Variants in COL19A1 observed in about 807,000 individuals in gnomAD.
COL19A1 encodes collagen alpha-1(XIX) chain.
Under a neutral mutation model 190.2 loss-of-function variants are expected in COL19A1, and 159 were observed. The observed-to-expected ratio is 0.84, with a 90% CI of 0.73 to 0.95. The LOEUF is 0.95. COL19A1 is among the 40% of genes least tolerant of loss of function. The pLI is 0.00. For synonymous variants in COL19A1, 509 were observed against 458.9 expected (o/e 1.11, Z -1.39); for missense variants, 1,418 against 1,431.9 (o/e 0.99, Z 0.16).
intron 14 of COL19A1, among the ~76,000 whole-genome samples, chr6:70,042,132 G>GGC (rs567839725): frequency 8.3e-4 from 126 of 152,260 alleles, no homozygotes; most frequent in Middle Eastern, 3.4e-3. Context: ...GTGCCTAGCA[G>GGC]AGATGGGGTG....
intron 11 of COL19A1, among the ~76,000 whole-genome samples, chr6:69,963,127 A>C (rs1463067948): frequency 6.6e-6 from 1 of 152,220 alleles, no homozygotes; most frequent in Non-Finnish European, 1.5e-5. Context: ...AAATGATTTA[A>C]ACATTTATAA....
At chr6:70,172,725 C>T (rs570476266) in intron 41 of COL19A1, among the ~76,000 whole-genome samples, 309 of 152,310 alleles carry the variant, frequency 2.0e-3, no homozygotes, top group African/African-American at 6.7e-3. Context: ...TCTTTTACCA[C>T]AGGAAGTTTG....
intron 1 of COL19A1, among the ~76,000 whole-genome samples, chr6:69,866,994 C>T (rs1304884842): frequency 1.3e-5 from 2 of 151,732 alleles, no homozygotes; most frequent in African/African-American, 4.8e-5. Flanking sequence ...CTATGGAGCA[C>T]TGCTGATGCG....
intron 1 of COL19A1, among the ~76,000 whole-genome samples, chr6:69,874,264 A>G (rs966182427): frequency 6.6e-6 from 1 of 152,252 alleles, no homozygotes; most frequent in Non-Finnish European, 1.5e-5. Flanking sequence ...TGCCCTTGTC[A>G]GTTTTGTTGA....
intron 4 of COL19A1, among the ~76,000 whole-genome samples, chr6:69,918,202 A>G (rs1319342172): frequency 6.6e-6 from 1 of 152,198 alleles, no homozygotes; most frequent in African/African-American, 2.4e-5. Context: ...TTAGAAGGTT[A>G]TAAGTAAGGG....
intron 11 of COL19A1, among the ~76,000 whole-genome samples, chr6:69,975,767 G>C (rs1775679789): frequency 6.6e-6 from 1 of 152,102 alleles, no homozygotes. Flanking sequence ...TATTGAATAA[G>C]ACATGACCAG....
At chr6:69,878,743 A>G (rs1768303645) in intron 1 of COL19A1, among the ~76,000 whole-genome samples, 1 of 152,208 alleles carries the variant, frequency 6.6e-6, no homozygotes, top group Admixed American at 6.5e-5. Flanking sequence ...TCAAACAGAT[A>G]TTTGTATATC....
At chr6:69,899,607 A>T (rs1372990163) in intron 3 of COL19A1, among the ~76,000 whole-genome samples, 2 of 152,174 alleles carry the variant, frequency 1.3e-5, no homozygotes, top group African/African-American at 2.4e-5. Context: ...AGAAGAAAAA[A>T]AAATTTGTGA....
rs756133589 is a variant in COL19A1, at chr6:70,180,352, A to G, written c.2708A>G (p.Glu903Gly). ...GAPGPPGVPG[E>G]PGERGPVGDI... The stretch of plus-strand genomic sequence containing the variant: ...CCAGGGCCTCCAGGAGTTCCAGGGG[A>G]ACCGGTGAGTTGGCAGTTACTTTCA... Residue 903 changes from glutamate (E) to glycine (G), a missense_variant, in exon 43 of 51, where the codon GAA becomes GGA. Glu to Gly is a moderately conservative substitution (Grantham distance 98). Coordinates refer to ENST00000620364, the MANE Select transcript of COL19A1 (RefSeq NM_001858.6). 1 of 1,613,896 alleles carries G rather than the reference A, an allele frequency of 6.2e-7. No individual in the cohort carries two copies. The highest frequency in any genetic ancestry group is 8.5e-7 in the Non-Finnish European group (1 of 1,179,832).
chr6:70,207,050 C>T (rs999611965), intron 50 of COL19A1, 72 bp downstream of exon 50: 1 of 1,603,014 alleles, frequency 6.2e-7, no homozygotes, highest in South Asian at 1.1e-5. Flanking sequence ...CCCTAGGGTC[C>T]TTATATGTCA....
chr6:70,140,322 G>T (rs1040038678), intron 19 of COL19A1, among the ~76,000 whole-genome samples: 2 of 151,814 alleles, frequency 1.3e-5, no homozygotes, highest in African/African-American at 4.8e-5. Flanking sequence ...GTAAATAGTT[G>T]TTATACTGTA....
rs181215689 is a variant in COL19A1 at position 69,913,082 on chromosome 6, C to T, written c.266+12744C>T. The stretch of plus-strand genomic sequence containing the variant: ...CCAGCCTGAGTGACAGAGTGAGACC[C>T]TGTCTCAAAAAATTAAAAAATAAAA... On this transcript the variant is annotated intron_variant, in intron 4 of 50. Coordinates refer to ENST00000620364, the MANE Select transcript of COL19A1 (RefSeq NM_001858.6). 6.4e-3 allele frequency among the ~76,000 whole-genome samples: 974 copies of T among 152,146 alleles called. 2 individuals are homozygous for T. Among genetic ancestry groups the T allele is most frequent in the Non-Finnish European group, 0.011 (728 of 67,998 alleles).
At chr6:69,988,181 C>G (rs1391157680) in intron 11 of COL19A1, among the ~76,000 whole-genome samples, 2 of 152,126 alleles carry the variant, frequency 1.3e-5, no homozygotes, top group African/African-American at 2.4e-5. Context: ...CTTATATGTT[C>G]ATTCTCTAAC....
chr6:69,899,308 G>A (rs1352429616), intron 3 of COL19A1, among the ~76,000 whole-genome samples: 1 of 151,882 alleles, frequency 6.6e-6, no homozygotes, highest in Non-Finnish European at 1.5e-5. Flanking sequence ...GGGACTACAG[G>A]CACATGGCTA....
intron 48 of COL19A1, among the ~76,000 whole-genome samples, chr6:70,198,813 TTAATTG>T (rs1164555940): frequency 6.6e-6 from 1 of 152,226 alleles, no homozygotes; most frequent in Non-Finnish European, 1.5e-5. Context: ...GAAGTGTTGC[TTAATTG>T]TATGGATCTG....
intron 14 of COL19A1, among the ~76,000 whole-genome samples, chr6:70,056,922 T>G (rs778160076): frequency 6.8e-6 from 1 of 147,158 alleles, no homozygotes; most frequent in Non-Finnish European, 1.5e-5. Context: ...TCATGTAGTA[T>G]GTGAGTATTT....
At chr6:69,992,099 A>G (rs1335302426) in intron 11 of COL19A1, among the ~76,000 whole-genome samples, 1 of 152,138 alleles carries the variant, frequency 6.6e-6, no homozygotes, top group African/African-American at 2.4e-5. Context: ...GAAAGGGTCC[A>G]GTTTCAATCT....
chr6:69,971,715 ACTG>A (rs1301900996), intron 11 of COL19A1, among the ~76,000 whole-genome samples: 2 of 152,174 alleles, frequency 1.3e-5, no homozygotes, highest in Non-Finnish European at 2.9e-5. Flanking sequence ...CAAAGGTGTA[ACTG>A]CTATTATTTA....
chr6:70,081,490 T>G (rs1782250579), intron 15 of COL19A1, among the ~76,000 whole-genome samples: 1 of 152,066 alleles, frequency 6.6e-6, no homozygotes, highest in Non-Finnish European at 1.5e-5. Flanking sequence ...AGACTTCTTT[T>G]GAAAATGAAA....
Sources: allele counts gnomAD v4.1 joint callset (sites outside exome capture counted in the v4.1 genomes callset), GRCh38; gene constraint gnomAD v4.1.1; transcripts MANE v1.5; gene names NCBI Gene and HGNC (gene_info 2026-07-23, HGNC 2026-07-21).